PPP2R2D: variants seen among roughly 807,000 people sequenced by gnomAD.
PPP2R2D encodes protein phosphatase 2 regulatory subunit Bdelta.
PPP2R2D carries 9 observed loss-of-function variants against 31.1 expected under a neutral mutation model. The observed-to-expected ratio is 0.29, with a 90% CI of 0.17 to 0.51. PPP2R2D has a LOEUF of 0.51. PPP2R2D is among the 20% of genes least tolerant of loss of function. PPP2R2D has a pLI of 0.98. For missense variants in PPP2R2D, 391 were observed against 465.6 expected (o/e 0.84, Z 1.48); for synonymous variants, 179 against 172.6 (o/e 1.04, Z -0.29).
intron 3 of PPP2R2D, chr10:131,935,143 T>C: frequency 2.9e-6 from 1 of 350,620 alleles, no homozygotes; most frequent in Non-Finnish European, 5.7e-6. Flanking sequence ...CACTGCCTTT[T>C]CACTGATGCC....
intron 2 of PPP2R2D, among the ~76,000 whole-genome samples, chr10:131,906,226 G>T (rs2035580732): frequency 6.6e-6 from 1 of 152,172 alleles, no homozygotes; most frequent in African/African-American, 2.4e-5. Flanking sequence ...CCGTGGGGAG[G>T]GGTTGGGGGA....
At chr10:131,929,621 A>G (rs186989168) in intron 2 of PPP2R2D, among the ~76,000 whole-genome samples, 2 of 152,060 alleles carry the variant, frequency 1.3e-5, no homozygotes, top group African/African-American at 4.8e-5. Context: ...TCGTGGAAAC[A>G]GTGCAGCCTG....
chr10:131,940,764 GA>G, intron 5 of PPP2R2D, 70 bp downstream of exon 5: 1 of 709,392 alleles, frequency 1.4e-6, no homozygotes, highest in Non-Finnish European at 2.6e-6. Context: ...CTGCTGTCTG[GA>G]GAGTGCTGCG....
chr10:131,912,059 T>C (rs1283582657), intron 2 of PPP2R2D: 2 of 152,234 alleles, frequency 1.3e-5, no homozygotes, highest in Non-Finnish European at 2.9e-5. Flanking sequence ...TCTATGTGTT[T>C]ATTTATTTAT....
At chr10:131,946,315 A>T (rs2119913077) in intron 7 of PPP2R2D, among the ~76,000 whole-genome samples, 1 of 152,334 alleles carries the variant, frequency 6.6e-6, no homozygotes, top group South Asian at 2.1e-4. Flanking sequence ...AGCGTGTCCC[A>T]GTGTCCTGAA....
chr10:131,902,456 A>T lies in PPP2R2D; in HGVS notation c.100+1126A>T, dbSNP rs938044013. ...ACATGACCCCTGAGGACATCTGGAG[A>T]TTCTGCGCCCCCTGGGACAAACAGG... is the stretch of plus-strand genomic sequence containing the variant. On this transcript the variant is annotated intron_variant, in intron 2 of 8. Coordinates refer to ENST00000455566, the MANE Select transcript of PPP2R2D (RefSeq NM_018461.5). 2.0e-5 allele frequency among the ~76,000 whole-genome samples: 3 copies of T among 152,188 alleles called. No individual in the cohort carries two copies. In the East Asian group the frequency reaches 5.8e-4, roughly 29 times the overall value.
At chr10:131,904,166 T>C (rs1328294522) in intron 2 of PPP2R2D, among the ~76,000 whole-genome samples, 3 of 145,144 alleles carry the variant, frequency 2.1e-5, no homozygotes, top group African/African-American at 7.8e-5. Flanking sequence ...ATGGTGCCAT[T>C]GCACTCCAGC....
chr10:131,931,153 G>A (rs78489553), intron 2 of PPP2R2D, among the ~76,000 whole-genome samples: 1 of 152,138 alleles, frequency 6.6e-6, no homozygotes, highest in African/African-American at 2.4e-5. Context: ...GATGATGATA[G>A]CCCTGCTTCC....
At chr10:131,904,172 C>T (rs1469661991) in intron 2 of PPP2R2D, among the ~76,000 whole-genome samples, 1 of 148,786 alleles carries the variant, frequency 6.7e-6, no homozygotes, top group Non-Finnish European at 1.5e-5. Context: ...CCATTGCACT[C>T]CAGCCTGGGC....
At chr10:131,951,925 ATCTT>A (rs1366906498) in intron 8 of PPP2R2D, among the ~76,000 whole-genome samples, 2 of 152,258 alleles carry the variant, frequency 1.3e-5, no homozygotes, top group Non-Finnish European at 2.9e-5. Context: ...ATAGGAGACC[ATCTT>A]TCTTTCCAGA....
At chr10:131,939,649 C>G (rs1450527384) in intron 3 of PPP2R2D, 1 of 156,190 alleles carries the variant, frequency 6.4e-6, no homozygotes, top group Non-Finnish European at 1.4e-5. Flanking sequence ...ATTCAGCAGA[C>G]CTGCTCCAGA....
chr10:131,912,257 T>C (rs1192607740), intron 2 of PPP2R2D: 1 of 152,210 alleles, frequency 6.6e-6, no homozygotes, highest in Admixed American at 6.5e-5. Context: ...AGTGGTGCGA[T>C]CAGAGCTCAC....
chr10:131,939,865 GTTC>G (rs2036411168), intron 3 of PPP2R2D, 163 bp from the exon 4 acceptor site: 2 of 395,364 alleles, frequency 5.1e-6, no homozygotes, highest in Admixed American at 4.5e-5. Flanking sequence ...AATCAAGTTC[GTTC>G]TTTTTTTTTT....
intron 8 of PPP2R2D, among the ~76,000 whole-genome samples, chr10:131,948,626 A>G (rs960401560): frequency 2.6e-5 from 4 of 152,244 alleles, no homozygotes; most frequent in Non-Finnish European, 5.9e-5. Context: ...GCAGCCTCTG[A>G]AGGCGTCTAT....
downstream of PPP2R2D, among the ~76,000 whole-genome samples, chr10:131,961,819 A>G (rs1473611623): frequency 6.8e-6 from 1 of 147,248 alleles, no homozygotes; most frequent in East Asian, 2.0e-4. Context: ...CCCACACTTG[A>G]TGTCCTCCAG....
intron 2 of PPP2R2D, among the ~76,000 whole-genome samples, chr10:131,904,831 CTT>C (rs2035557249): frequency 6.6e-6 from 1 of 152,138 alleles, no homozygotes; most frequent in Non-Finnish European, 1.5e-5. Context: ...GCACTCCTGA[CTT>C]TGGAGGTCAT....
downstream of PPP2R2D, among the ~76,000 whole-genome samples, chr10:131,961,929 G>A (rs1322252176): frequency 1.3e-5 from 2 of 151,906 alleles, no homozygotes; most frequent in Non-Finnish European, 2.9e-5. Context: ...GTTCCTGCAC[G>A]CATTTCCTGA....
chr10:131,902,197 A>G (rs1189453830), intron 2 of PPP2R2D, among the ~76,000 whole-genome samples: 2 of 152,344 alleles, frequency 1.3e-5, no homozygotes, highest in East Asian at 3.9e-4. Flanking sequence ...TCAGATTCAG[A>G]GTCATAGTGA....
intron 2 of PPP2R2D, among the ~76,000 whole-genome samples, chr10:131,922,757 A>G (rs880000694): frequency 6.6e-6 from 1 of 152,168 alleles, no homozygotes; most frequent in East Asian, 1.9e-4. Context: ...TTATCTGTCA[A>G]TTTTTTTCTT....
Sources: allele counts gnomAD v4.1 joint callset (sites outside exome capture counted in the v4.1 genomes callset), GRCh38; gene constraint gnomAD v4.1.1; transcripts MANE v1.5; gene names NCBI Gene and HGNC (gene_info 2026-07-23, HGNC 2026-07-21).